The following SGMS1 variants were observed in gnomAD, a reference collection of about 807,000 sequenced individuals.
SGMS1 encodes sphingomyelin synthase 1.
A neutral mutation model predicts 46.2 loss-of-function variants in SGMS1; 13 were observed. The observed-to-expected ratio is 0.28, with a 90% confidence interval of 0.18 to 0.45. SGMS1 has a LOEUF of 0.45. Among genes scored for constraint, SGMS1 ranks in the 20% least tolerant of loss-of-function variants. The pLI is 1.00. For synonymous variants in SGMS1, 203 were observed against 187.8 expected (o/e 1.08, Z -0.66); for missense variants, 324 against 519.9 (o/e 0.62, Z 3.66).
At chr10:50,349,634 T>C (rs1163807565) in intron 6 of SGMS1, among the ~76,000 whole-genome samples, 2 of 152,228 alleles carry the variant, frequency 1.3e-5, no homozygotes, top group Non-Finnish European at 2.9e-5. Flanking sequence ...TAGGAGATAA[T>C]TTGAATCATG....
intron 6 of SGMS1, among the ~76,000 whole-genome samples, chr10:50,359,559 C>T (rs1208096044): frequency 6.6e-6 from 1 of 152,054 alleles, no homozygotes; most frequent in African/African-American, 2.4e-5. Flanking sequence ...CATGGAGAGT[C>T]CTGGCACCAG....
intron 6 of SGMS1, among the ~76,000 whole-genome samples, chr10:50,354,191 T>C (rs1364396006): frequency 6.6e-6 from 1 of 150,680 alleles, no homozygotes; most frequent in Non-Finnish European, 1.5e-5. Flanking sequence ...CTTCAAACTA[T>C]ACTACAAGGC....
intron 2 of SGMS1, among the ~76,000 whole-genome samples, chr10:50,574,679 G>C (rs1429860122): frequency 6.6e-6 from 1 of 152,076 alleles, no homozygotes; most frequent in African/African-American, 2.4e-5. Context: ...GGAGATACCT[G>C]CATGCTCATG....
chr10:50,418,580 C>A (rs1292594418), intron 6 of SGMS1: 1 of 152,218 alleles, frequency 6.6e-6, no homozygotes, highest in African/African-American at 2.4e-5. Context: ...CTTTCACAGC[C>A]TTTTCTTTAC....
chr10:50,344,786 G>A (rs1385972896), intron 6 of SGMS1, among the ~76,000 whole-genome samples: 1 of 152,048 alleles, frequency 6.6e-6, no homozygotes, highest in East Asian at 1.9e-4. Flanking sequence ...GCAGGAGAAT[G>A]GTGTGAACCC....
chr10:50,550,239 T>C (rs932103144), intron 2 of SGMS1, among the ~76,000 whole-genome samples: 1 of 152,226 alleles, frequency 6.6e-6, no homozygotes, highest in African/African-American at 2.4e-5. Flanking sequence ...GCTTAATCAC[T>C]AACTTTCTTT....
intron 1 of SGMS1, among the ~76,000 whole-genome samples, chr10:50,613,706 G>A (rs142009145): frequency 2.1e-3 from 324 of 152,252 alleles, no homozygotes; most frequent in African/African-American, 7.1e-3. Context: ...GTTCACCTCC[G>A]AGTTCTTTCT....
intron 3 of SGMS1, among the ~76,000 whole-genome samples, chr10:50,508,038 C>A (rs780763017): frequency 6.6e-6 from 1 of 152,218 alleles, no homozygotes; most frequent in Non-Finnish European, 1.5e-5. Context: ...TACCCACTCC[C>A]TACTACTGGC....
At chr10:50,413,053 C>T (rs908817872) in intron 6 of SGMS1, among the ~76,000 whole-genome samples, 3 of 152,114 alleles carry the variant, frequency 2.0e-5, no homozygotes, top group Non-Finnish European at 2.9e-5. Context: ...CCAAATCTTA[C>T]ATTTTAAAAA....
intron 2 of SGMS1, among the ~76,000 whole-genome samples, chr10:50,546,910 GC>G (rs1838106516): frequency 1.3e-5 from 2 of 152,070 alleles, no homozygotes; most frequent in Admixed American, 1.3e-4. Flanking sequence ...TGTGGCACTT[GC>G]TTTTCCTCCC....
chr10:50,324,001 A>G (rs1847490876), intron 8 of SGMS1, among the ~76,000 whole-genome samples: 1 of 152,250 alleles, frequency 6.6e-6, no homozygotes, highest in South Asian at 2.1e-4. Flanking sequence ...AAAGCACAGT[A>G]GGTCCCTAAT....
chr10:50,349,781 G>A (rs2133376749), intron 6 of SGMS1, among the ~76,000 whole-genome samples: 1 of 152,290 alleles, frequency 6.6e-6, no homozygotes, highest in East Asian at 1.9e-4. Context: ...GTCACTTCCT[G>A]CCATGATTCT....
intron 5 of SGMS1, among the ~76,000 whole-genome samples, chr10:50,448,675 C>T (rs548456586): frequency 7.8e-5 from 11 of 140,784 alleles, no homozygotes; most frequent in South Asian, 4.8e-4. Context: ...ACCCGGGAGG[C>T]GGAGGTTGTG....
At chr10:50,592,164 G>A in intron 1 of SGMS1, among the ~76,000 whole-genome samples, 1 of 152,102 alleles carries the variant, frequency 6.6e-6, no homozygotes, top group East Asian at 1.9e-4. Context: ...TACTCACTAA[G>A]AAGTTATGCC....
intron 1 of SGMS1, among the ~76,000 whole-genome samples, chr10:50,603,062 T>C (rs1355668197): frequency 6.6e-6 from 1 of 152,218 alleles, no homozygotes; most frequent in East Asian, 1.9e-4. Flanking sequence ...CTCTGCAATG[T>C]TAAATGATAA....
In SGMS1 at chr10:50,343,851, G is replaced by C. The variant is rs138868011; in HGVS notation, c.264C>G (p.Gly88=). ...TGCCGTCGGGGGTGGGGATGTCTAC[G>C]CCAATGTTGAGGTGCCCATTGGCAT... ...NGHANGHLNI[G]VDIPTPDGSF... The change falls in exon 7 of 11, where the codon GGC becomes GGG. Residue 88 remains glycine, a synonymous_variant. Coordinates refer to ENST00000361781, the MANE Select transcript of SGMS1 (RefSeq NM_147156.4). The C allele has an allele frequency of 6.2e-7, 1 of 1,613,964 alleles. No individual in the cohort carries two copies. The highest frequency in any genetic ancestry group is 8.5e-7 in the Non-Finnish European group (1 of 1,180,014).
chr10:50,570,154 T>C (rs1246853519), intron 2 of SGMS1, among the ~76,000 whole-genome samples: 1 of 152,142 alleles, frequency 6.6e-6, no homozygotes, highest in African/African-American at 2.4e-5. Context: ...GCTGGAAAAA[T>C]AGAAGGTATT....
chr10:50,411,552 A>T (rs1252498523), intron 6 of SGMS1, among the ~76,000 whole-genome samples: 1 of 152,210 alleles, frequency 6.6e-6, no homozygotes, highest in Non-Finnish European at 1.5e-5. Context: ...GTGCGTGGTA[A>T]TTTCTAGTCT....
At chr10:50,526,091 G>A (rs1425134855) in intron 2 of SGMS1, among the ~76,000 whole-genome samples, 1 of 152,184 alleles carries the variant, frequency 6.6e-6, no homozygotes, top group Non-Finnish European at 1.5e-5. Context: ...ATTCACGTGT[G>A]TATTAGTCTG....
Sources: allele counts gnomAD v4.1 joint callset (sites outside exome capture counted in the v4.1 genomes callset), GRCh38; gene constraint gnomAD v4.1.1; transcripts MANE v1.5; gene names NCBI Gene and HGNC (gene_info 2026-07-23, HGNC 2026-07-21).